The following ADAMTSL3 variants were observed in gnomAD, a reference collection of about 807,000 sequenced individuals.
ADAMTSL3 encodes ADAMTS like 3.
ADAMTSL3 carries 128 observed loss-of-function variants against 201.7 expected under a neutral mutation model. That is an observed-to-expected ratio of 0.63 (90% CI 0.55 to 0.73). The LOEUF is 0.73. Among genes scored for constraint, ADAMTSL3 ranks in the 30% least tolerant of loss-of-function variants. The pLI is 0.00. For missense variants in ADAMTSL3, 1,990 were observed against 2,119.6 expected (o/e 0.94, Z 1.20); for synonymous variants, 738 against 748.4 (o/e 0.99, Z 0.23).
intron 2 of ADAMTSL3, among the ~76,000 whole-genome samples, chr15:83,685,725 C>A (rs1026049040): frequency 2.0e-5 from 3 of 152,156 alleles, no homozygotes. Flanking sequence ...AACCTCATTT[C>A]TTTCCCTCTT....
rs565463436 is a variant in ADAMTSL3 at position 84,008,685 on chromosome 15, A to G, written c.3974-5857A>G. ...ACATCTGTATGCTGGAAACTGTTAA[A>G]TTTATATTTTCAGCACAGACCTTTC... On this transcript the variant is annotated intron_variant, in intron 23 of 29. Coordinates refer to ENST00000286744, the MANE Select transcript of ADAMTSL3 (RefSeq NM_207517.3). Among the ~76,000 whole-genome samples, 20 of 152,234 alleles carry G rather than the reference A, an allele frequency of 1.3e-4. No homozygotes were observed. The South Asian group carries it at 4.2e-3, about 32-fold the overall frequency.
intron 24 of ADAMTSL3, among the ~76,000 whole-genome samples, chr15:84,014,948 G>C (rs2068065181): frequency 1.3e-5 from 1 of 75,646 alleles, no homozygotes; most frequent in Non-Finnish European, 2.4e-5. Flanking sequence ...GTGTGTGTGT[G>C]TGTGATTTTT....
intron 3 of ADAMTSL3, among the ~76,000 whole-genome samples, chr15:83,760,011 A>G (rs941114308): frequency 4.0e-5 from 6 of 151,626 alleles, no homozygotes; most frequent in African/African-American, 1.2e-4. Flanking sequence ...AGTCTTTTTT[A>G]ATTTGTTGAT....
At chr15:83,881,074 G>A (rs553203523) in intron 9 of ADAMTSL3, among the ~76,000 whole-genome samples, 31 of 151,908 alleles carry the variant, frequency 2.0e-4, no homozygotes, top group African/African-American at 2.9e-4. Flanking sequence ...AATTATTATC[G>A]GATTATTTTT....
chr15:83,858,033 A>G (rs569579034), intron 7 of ADAMTSL3, among the ~76,000 whole-genome samples: 24 of 152,212 alleles, frequency 1.6e-4, no homozygotes, highest in Non-Finnish European at 2.5e-4. Context: ...CCAGTAGGTA[A>G]TTGTCTAGGC....
At chr15:83,765,944 A>G (rs1310863250) in intron 3 of ADAMTSL3, among the ~76,000 whole-genome samples, 1 of 152,226 alleles carries the variant, frequency 6.6e-6, no homozygotes, top group Non-Finnish European at 1.5e-5. Flanking sequence ...TAGAAATTAT[A>G]GATGATCATA....
chr15:84,006,122 C>G (rs974047817), intron 23 of ADAMTSL3, among the ~76,000 whole-genome samples: 1 of 152,230 alleles, frequency 6.6e-6, no homozygotes, highest in African/African-American at 2.4e-5. Flanking sequence ...ATTCATTATT[C>G]TAGTAGCTTT....
intron 11 of ADAMTSL3, 121 bp from the exon 12 acceptor site, chr15:83,891,208 T>C (rs1391128120): frequency 9.8e-6 from 8 of 813,490 alleles, no homozygotes; most frequent in Non-Finnish European, 1.6e-5. Context: ...TAACACTTGA[T>C]ATTTTTAGTT....
chr15:83,745,836 T>TC (rs1406041564), intron 3 of ADAMTSL3, among the ~76,000 whole-genome samples: 1 of 152,228 alleles, frequency 6.6e-6, no homozygotes, highest in Non-Finnish European at 1.5e-5. Context: ...AAATGCAATC[T>TC]CATAAGTGCC....
At position 83,819,824 on chromosome 15, in the gene ADAMTSL3, A is replaced by G; in HGVS notation, c.377A>G (p.Asp126Gly). 1 of 1,613,810 alleles carries G rather than the reference A, an allele frequency of 6.2e-7. No homozygotes were observed. ...KTCSNHDCPP[D>G]AEDFRAQQCS... ...CTCTGCCCCCAGGACTGCCCTCCAG[A>G]TGCAGAAGATTTCAGAGCCCAGCAG... Residue 126 changes from aspartate (D) to glycine (G), a missense_variant, in exon 6 of 30, where the codon GAT becomes GGT. Asp to Gly is a moderately conservative substitution (Grantham distance 94). Transcript: ENST00000286744.
At chr15:83,718,349 A>G (rs2062048329) in intron 3 of ADAMTSL3, among the ~76,000 whole-genome samples, 1 of 152,180 alleles carries the variant, frequency 6.6e-6, no homozygotes, top group Non-Finnish European at 1.5e-5. Flanking sequence ...TGTCAAGACT[A>G]CTAGAGTCTC....
chr15:83,881,786 C>T (rs1381898836), intron 9 of ADAMTSL3, among the ~76,000 whole-genome samples: 16 of 151,722 alleles, frequency 1.1e-4, no homozygotes, highest in East Asian at 1.9e-4. Context: ...ACCTGGGAGG[C>T]GAAGGTTGCA....
chr15:83,722,993 A>G (rs2062122160), intron 3 of ADAMTSL3, among the ~76,000 whole-genome samples: 1 of 152,186 alleles, frequency 6.6e-6, no homozygotes. Context: ...GGATTTAACT[A>G]CATAGAAGCC....
intron 16 of ADAMTSL3, among the ~76,000 whole-genome samples, chr15:83,918,631 A>G (rs2066080283): frequency 6.6e-6 from 1 of 152,208 alleles, no homozygotes; most frequent in African/African-American, 2.4e-5. Context: ...TGGAGTACTG[A>G]GAATGAGACA....
At chr15:83,829,078 T>C (rs2141951624) in intron 6 of ADAMTSL3, among the ~76,000 whole-genome samples, 1 of 152,326 alleles carries the variant, frequency 6.6e-6, no homozygotes, top group South Asian at 2.1e-4. Flanking sequence ...TTTCTATTGA[T>C]TGGAATAGTT....
At chr15:83,883,400 T>C (rs1344649095) in intron 9 of ADAMTSL3, among the ~76,000 whole-genome samples, 1 of 151,982 alleles carries the variant, frequency 6.6e-6, no homozygotes, top group Non-Finnish European at 1.5e-5. Flanking sequence ...CTTGAGCTCC[T>C]GACCTCAAGG....
In ADAMTSL3 at chr15:83,923,959, T is replaced by C. The variant is rs2066198130; in HGVS notation, c.2043T>C (p.Asn681=). 6.2e-7 allele frequency: 1 copy of C among 1,614,054 alleles called. No homozygotes were observed. The highest frequency in any genetic ancestry group is 1.3e-5 in the African/African-American group (1 of 74,940). ...CLHIQTQQTV[N]DSLCDMVHRP... ...ATATCCAGACCCAGCAGACAGTCAA[T>C]GACAGCTTGTGTGATATGGTCCACC... The change falls in exon 17 of 30, where the codon AAT becomes AAC. Residue 681 remains asparagine, a synonymous_variant. Coordinates refer to ENST00000286744, the MANE Select transcript of ADAMTSL3 (RefSeq NM_207517.3).
chr15:83,991,253 G>C (rs1431700078), intron 23 of ADAMTSL3, 39 bp downstream of exon 23: 2 of 1,612,900 alleles, frequency 1.2e-6, no homozygotes, highest in Admixed American at 1.7e-5. Context: ...ATTTCAGTGG[G>C]AGGTAAGTGT....
intron 19 of ADAMTSL3, among the ~76,000 whole-genome samples, chr15:83,956,946 T>C (rs528728336): frequency 3.6e-4 from 55 of 152,250 alleles, no homozygotes; most frequent in African/African-American, 1.3e-3. Context: ...CAGAGACAAC[T>C]AAGAATAGTT....
Sources: allele counts gnomAD v4.1 joint callset (sites outside exome capture counted in the v4.1 genomes callset), GRCh38; gene constraint gnomAD v4.1.1; transcripts MANE v1.5; gene names NCBI Gene and HGNC (gene_info 2026-07-23, HGNC 2026-07-21).